The following FREM3 variants were observed in gnomAD, a reference collection of about 807,000 sequenced individuals.
The protein encoded by FREM3 is FRAS1-related extracellular matrix protein 3.
Under a neutral mutation model 129.1 loss-of-function variants are expected in FREM3, and 105 were observed. The ratio of observed to expected loss-of-function variants is 0.81; its 90% CI spans 0.69 to 0.96. FREM3 has a LOEUF of 0.96. FREM3 is among the 40% of genes least tolerant of loss of function. FREM3 has a pLI of 0.00. For synonymous variants in FREM3, 1,014 were observed against 1,044.9 expected, an observed-to-expected ratio of 0.97 and a Z score of 0.57; for missense variants, 2,593 against 2,666.3, an observed-to-expected ratio of 0.97 and a Z score of 0.61.
At chr4:143,636,598 A>C (rs1206584598) in intron 2 of FREM3, among the ~76,000 whole-genome samples, 3 of 152,098 alleles carry the variant, frequency 2.0e-5, no homozygotes, top group Non-Finnish European at 2.9e-5. Context: ...ATTATTTCCC[A>C]TTAGGTTAAA....
In FREM3 at chr4:143,696,553, A is replaced by T; in HGVS notation, c.4123T>A (p.Phe1375Ile). 6.5e-7 allele frequency: 1 copy of T among 1,537,442 alleles called. No individual in the cohort carries two copies. Among genetic ancestry groups the T allele is most frequent in the Non-Finnish European group, 8.7e-7 (1 of 1,146,974 alleles). Residue 1375 changes from phenylalanine to isoleucine, a missense_variant, in exon 1 of 8, where the codon TTT (phenylalanine) becomes ATT (isoleucine). This residue lies in a region of FREM3 where 2,276 missense variants were observed against 2,267.2 expected (regional missense o/e 1.00). Coordinates refer to ENST00000329798, the MANE Select transcript of FREM3 (RefSeq NM_001168235.2). Reference sequence around the variant, plus strand: ...CCTCTGTTAATCTCATCCTGGGTAAAGTTCATTCCCAGAGTAAGATTGTTC... The same window carrying T: ...CCTCTGTTAATCTCATCCTGGGTAATGTTCATTCCCAGAGTAAGATTGTTC... ...VRNNLTLGMN[F>I]TQDEINRGLI...
At chr4:143,594,328 G>A (rs1219630851) in intron 6 of FREM3, among the ~76,000 whole-genome samples, 1 of 152,148 alleles carries the variant, frequency 6.6e-6, no homozygotes, top group Non-Finnish European at 1.5e-5. Context: ...CTCACGCTGG[G>A]AGCTGTAGAC....
rs185792698 is a variant in FREM3 at position 143,621,059 on chromosome 4, G to T, written c.5757C>A (p.Ile1919=). Residue 1919 remains isoleucine, a synonymous_variant, in exon 5 of 8, where the codon ATC becomes ATA. Coordinates refer to ENST00000329798, the MANE Select transcript of FREM3 (RefSeq NM_001168235.2). ...RRSGDASQEL[I]VICSTRQGSA... is the part of the protein sequence containing the mutation. ...TACCTTGACGTGTGGAGCAAATGAC[G>T]ATTAGTTCCTGGCTTGCATCTCCAG... is the stretch of plus-strand genomic sequence containing the variant. 1 of 1,537,272 alleles carries T rather than the reference G, an allele frequency of 6.5e-7. No individual in the cohort carries two copies. The highest frequency in any genetic ancestry group is 8.7e-7 in the Non-Finnish European group (1 of 1,146,862).
At chr4:143,665,127 T>C (rs1343665964) in intron 2 of FREM3, among the ~76,000 whole-genome samples, 1 of 152,106 alleles carries the variant, frequency 6.6e-6, no homozygotes, top group African/African-American at 2.4e-5. Context: ...CACTCCCTAG[T>C]GAGATGAATC....
At chr4:143,595,616 C>T (rs192325733) in intron 6 of FREM3, among the ~76,000 whole-genome samples, 7 of 152,062 alleles carry the variant, frequency 4.6e-5, no homozygotes, top group South Asian at 2.1e-4. Context: ...AGCCGGGCAC[C>T]GTGGCTCTTG....
In FREM3 at chr4:143,695,649, G is replaced by T; in HGVS notation, c.5027C>A (p.Thr1676Asn). The T allele has an allele frequency of 6.5e-7, 1 of 1,537,282 alleles. No homozygotes were observed. The highest frequency in any genetic ancestry group is 8.7e-7 in the Non-Finnish European group (1 of 1,146,912). The change falls in exon 1 of 8, where the codon ACT (threonine) becomes AAT (asparagine). Residue 1676 changes from threonine (T) to asparagine (N), a missense_variant. Physicochemically the swap from Thr to Asn is moderately conservative, Grantham distance 65. Coordinates refer to ENST00000329798, the MANE Select transcript of FREM3 (RefSeq NM_001168235.2). ...RGAPALKRLH[T>N]GHMGFLITSK... is the part of the protein sequence containing the mutation. Reference sequence around the variant, plus strand: ...GGTAATCAGGAAGCCCATGTGTCCAGTGTGAAGGCGCTTCAAGGCTGGGGC... The same window carrying T: ...GGTAATCAGGAAGCCCATGTGTCCATTGTGAAGGCGCTTCAAGGCTGGGGC...
At chr4:143,596,308 G>A (rs1260830710) in intron 6 of FREM3, among the ~76,000 whole-genome samples, 1 of 152,188 alleles carries the variant, frequency 6.6e-6, no homozygotes, top group African/African-American at 2.4e-5. Context: ...CCATTAGAAA[G>A]GTATTGCAAT....
At chr4:143,675,359 C>A (rs1192657179) in intron 2 of FREM3, among the ~76,000 whole-genome samples, 1 of 152,032 alleles carries the variant, frequency 6.6e-6, no homozygotes. Flanking sequence ...AAAGACACAA[C>A]ATACCAGAAT....
intron 3 of FREM3, among the ~76,000 whole-genome samples, chr4:143,624,736 C>T (rs776824056): frequency 2.0e-5 from 3 of 151,970 alleles, no homozygotes; most frequent in Admixed American, 6.6e-5. Context: ...AGCTCTATGG[C>T]GGTAGAGATC....
At chr4:143,659,993 G>T (rs1385941711) in intron 2 of FREM3, among the ~76,000 whole-genome samples, 2 of 149,978 alleles carry the variant, frequency 1.3e-5, no homozygotes, top group Non-Finnish European at 3.0e-5. Flanking sequence ...CCCTTTGTCA[G>T]ATGAGTAGGT....
intron 2 of FREM3, among the ~76,000 whole-genome samples, chr4:143,661,925 C>T (rs932658991): frequency 2.6e-5 from 4 of 152,010 alleles, no homozygotes; most frequent in Non-Finnish European, 1.5e-5. Flanking sequence ...TCTGTGGGAT[C>T]AGTGGTGATA....
intron 5 of FREM3, among the ~76,000 whole-genome samples, chr4:143,616,548 A>T (rs903221027): frequency 2.0e-5 from 3 of 152,268 alleles, no homozygotes; most frequent in East Asian, 1.9e-4. Flanking sequence ...GCACTTTGGG[A>T]GGCCGAGGCG....
At position 143,700,338 on chromosome 4, in the gene FREM3, C is replaced by A; in HGVS notation, c.338G>T (p.Arg113Leu). 6.5e-7 allele frequency: 1 copy of A among 1,534,724 alleles called. No individual in the cohort carries two copies. Among genetic ancestry groups the A allele is most frequent in the Non-Finnish European group, 8.7e-7 (1 of 1,145,832 alleles). ...GGGCCCGAAGGTGCAGGGGAAGCGGCGCGGGGAGAGCGCGCCCTTGAGCCG... is the reference window on the plus strand; with the variant it reads ...GGGCCCGAAGGTGCAGGGGAAGCGGAGCGGGGAGAGCGCGCCCTTGAGCCG... ...LPRLKGALSP[R>L]RFPCTFGPRQ... Residue 113 changes from arginine to leucine, a missense_variant, in exon 1 of 8, where the codon CGC (arginine) becomes CTC (leucine). Transcript: ENST00000329798.
Position 143,700,153 on chromosome 4 carries a change from G to C in FREM3, c.523C>G (p.Pro175Ala). The C allele has an allele frequency of 6.5e-7, 1 of 1,537,012 alleles. No homozygotes were observed. ...SQLELVTRNR[P>A]LVVEKLRSWS... is the part of the protein sequence containing the mutation. ...CTTCGCAGCTTCTCCACTACCAAAGGCCTGTTACGCGTCACCAGCTCCAGC... is the reference window on the plus strand; with the variant it reads ...CTTCGCAGCTTCTCCACTACCAAAGCCCTGTTACGCGTCACCAGCTCCAGC... The change falls in exon 1 of 8, where the codon CCT becomes GCT. Residue 175 changes from proline (P) to alanine (A), a missense_variant. Physicochemically the swap from Pro to Ala is conservative, Grantham distance 27 (BLOSUM62 -1). Coordinates refer to ENST00000329798, the MANE Select transcript of FREM3 (RefSeq NM_001168235.2).
In FREM3 at chr4:143,631,407, C is replaced by T. The variant is rs568630218; in HGVS notation, c.5276-3647G>A. 9.8e-4 allele frequency among the ~76,000 whole-genome samples: 149 copies of T among 152,002 alleles called. 2 individuals are homozygous for T. Among genetic ancestry groups the T allele is most frequent in the African/African-American group, 3.4e-3 (142 of 41,488 alleles). On this transcript the variant is annotated intron_variant, in intron 2 of 7. Coordinates refer to ENST00000329798, the MANE Select transcript of FREM3 (RefSeq NM_001168235.2). ...CACCTAGGCTGGAGTGCGGTAGCAC[C>T]GTCTCAGCTCACTGTAACCTCCACC...
rs867607466 is a variant in FREM3, at chr4:143,698,094, A to G, written c.2582T>C (p.Ile861Thr). ...GACTAATATGAAGACAATTTGGTCA[A>G]TGTCTGTGTCTGGGTCTGTAACATG... ...ELHVTDPDTD[I>T]DQIVFILVRG... The change falls in exon 1 of 8, where the codon ATT (isoleucine) becomes ACT (threonine). Residue 861 changes from isoleucine (I) to threonine (T), a missense_variant. By Grantham distance (89) the Ile-to-Thr change is moderately conservative (BLOSUM62 -1). This residue lies in a region of FREM3 where 2,276 missense variants were observed against 2,267.2 expected (regional missense o/e 1.00). Coordinates refer to ENST00000329798, the MANE Select transcript of FREM3 (RefSeq NM_001168235.2). The G allele has an allele frequency of 6.5e-7, 1 of 1,537,412 alleles. No individual in the cohort carries two copies.
intron 2 of FREM3, among the ~76,000 whole-genome samples, chr4:143,638,612 C>G (rs1739272353): frequency 6.6e-6 from 1 of 152,134 alleles, no homozygotes; most frequent in Admixed American, 6.5e-5. Flanking sequence ...GTCCTCTTCT[C>G]CTTTTGAATC....
chr4:143,626,115 T>C (rs369064024), intron 3 of FREM3, among the ~76,000 whole-genome samples: 14 of 152,094 alleles, frequency 9.2e-5, no homozygotes, highest in African/African-American at 3.4e-4. Flanking sequence ...GAGTGTCTGA[T>C]TGAGATGGTT....
intron 4 of FREM3, among the ~76,000 whole-genome samples, chr4:143,623,149 T>G (rs540784538): frequency 1.6e-4 from 24 of 152,170 alleles, no homozygotes; most frequent in Non-Finnish European, 3.1e-4. Flanking sequence ...ACAGTCCAGT[T>G]TGGAAAAATT....
Sources: allele counts gnomAD v4.1 joint callset (sites outside exome capture counted in the v4.1 genomes callset), GRCh38; gene constraint gnomAD v4.1.1; regional missense constraint gnomAD v4.1.1; transcripts MANE v1.5; gene names NCBI Gene and HGNC (gene_info 2026-07-23, HGNC 2026-07-21).